The following AFF3 variants were observed in gnomAD, a reference collection of about 807,000 sequenced individuals.
The protein encoded by AFF3 is AF4/FMR2 family member 3.
In AFF3, 32 loss-of-function variants were observed where a neutral mutation model predicts 129.7. The ratio of observed to expected loss-of-function variants is 0.25; its 90% confidence interval spans 0.19 to 0.33. The LOEUF (loss-of-function observed/expected upper bound fraction) is 0.33. Among genes scored for constraint, AFF3 ranks in the 10% least tolerant of loss-of-function variants. The pLI is 1.00. For synonymous variants in AFF3, 644 were observed against 635.4 expected, an observed-to-expected ratio of 1.01 and a Z score of -0.20; for missense variants, 1,373 against 1,592.0, an observed-to-expected ratio of 0.86 and a Z score of 2.34.
intron 8 of AFF3, among the ~76,000 whole-genome samples, chr2:99,817,053 T>C (rs538239829): frequency 1.3e-5 from 2 of 152,218 alleles, no homozygotes; most frequent in African/African-American, 4.8e-5. Context: ...AGGCTGCAGT[T>C]CTGTATCCTT....
rs757538445 is a variant in AFF3, at chr2:99,601,499, G to A, written c.1307C>T (p.Ser436Leu). 14 of 1,608,326 alleles carry A rather than the reference G, an allele frequency of 8.7e-6. No individual in the cohort carries two copies. Among genetic ancestry groups the A allele is most frequent in the East Asian group, 2.2e-5 (1 of 44,712 alleles). ...CTCGCTGGAGCTGCTCTCGGTCTCC[G>A]AGTCAGATCCGGAGCTGCTCTCTGA... Reference protein sequence around the residue: ...SDSESSSGSDSETESSSSESE... With the variant: ...SDSESSSGSDLETESSSSESE... The change falls in exon 14 of 25, where the codon TCG (serine) becomes TTG (leucine). Residue 436 changes from serine to leucine, a missense_variant. Ser to Leu is a moderately radical substitution (Grantham distance 145). This residue lies in a region of AFF3 where 413 missense variants were observed against 424.4 expected (regional missense o/e 0.97). Coordinates refer to ENST00000672756, the MANE Select transcript of AFF3 (RefSeq NM_001386135.1).
intron 12 of AFF3, among the ~76,000 whole-genome samples, chr2:99,651,099 G>C (rs1685206831): frequency 6.6e-6 from 1 of 151,580 alleles, no homozygotes; most frequent in African/African-American, 2.4e-5. Context: ...CTTGAACTTG[G>C]GGGGCGGAGG....
intron 12 of AFF3, among the ~76,000 whole-genome samples, chr2:99,672,176 TCTCACACACACACACACA>T (rs1479375427): frequency 0.054 from 1,995 of 37,270 alleles, 64 homozygotes; most frequent in African/African-American, 0.18. Flanking sequence ...CCAGTTAGCT[TCTCACACACACACACACA>T]CACACACACA....
chr2:100,032,204 G>T (rs1295975849), intron 4 of AFF3, among the ~76,000 whole-genome samples: 1 of 152,100 alleles, frequency 6.6e-6, no homozygotes, highest in African/African-American at 2.4e-5. Context: ...AAGGCAGGTG[G>T]ATTACGAGGT....
At chr2:99,666,729 T>C (rs1172990462) in intron 12 of AFF3, among the ~76,000 whole-genome samples, 1 of 152,162 alleles carries the variant, frequency 6.6e-6, no homozygotes, top group Non-Finnish European at 1.5e-5. Flanking sequence ...TATGAAAGCA[T>C]TAATCAAAAT....
intron 4 of AFF3, among the ~76,000 whole-genome samples, chr2:100,053,787 T>A (rs554753867): frequency 6.6e-6 from 1 of 152,332 alleles, no homozygotes; most frequent in African/African-American, 2.4e-5. Context: ...TCCCTCTTCC[T>A]CATCCTCTTG....
At chr2:100,033,142 A>T (rs1684644618) in intron 4 of AFF3, among the ~76,000 whole-genome samples, 4 of 152,142 alleles carry the variant, frequency 2.6e-5, no homozygotes, top group African/African-American at 9.7e-5. Context: ...CTTCCTTGCC[A>T]AATCTGGAAG....
Position 99,568,855 on chromosome 2 carries a change from T to A in AFF3, c.2979A>T (p.Ala993=). The A allele has an allele frequency of 6.2e-7, 1 of 1,614,106 alleles. No individual in the cohort carries two copies. Among genetic ancestry groups the A allele is most frequent in the Non-Finnish European group, 8.5e-7 (1 of 1,179,954 alleles). ...TCTGGAAAGAAAAGGGTCTCACCAT[T>A]GCATCTGCTTTATGCTTCATTCGTT... ...EAKRMKHKAD[A]MVEKFGKALN... The change falls in exon 19 of 25, where the codon GCA becomes GCT. Residue 993 remains alanine, a synonymous_variant. Transcript: ENST00000672756.
In AFF3 at chr2:99,594,125, G is replaced by C. The variant is rs754497303; in HGVS notation, c.1536C>G (p.Asp512Glu). 15 of 1,613,930 alleles carry C rather than the reference G, an allele frequency of 9.3e-6. No homozygotes were observed. The highest frequency in any genetic ancestry group is 1.3e-5 in the Non-Finnish European group (15 of 1,179,978). The change falls in exon 15 of 25, where the codon GAC becomes GAG. Residue 512 changes from aspartate (D) to glutamate (E), a missense_variant. Around this residue, in one of 9 missense-constraint regions of AFF3, gnomAD observed 413 missense variants for 424.4 expected, o/e 0.97. Coordinates refer to ENST00000672756, the MANE Select transcript of AFF3 (RefSeq NM_001386135.1). ...EDVQDCGKVP[D>E]VCQPSLREKE... ...TCTCTCTCAGGCTGGGCTGGCAAACGTCGGGGACTTTCCCACAGTCCTGGA... is the reference window on the plus strand; with the variant it reads ...TCTCTCTCAGGCTGGGCTGGCAAACCTCGGGGACTTTCCCACAGTCCTGGA...
At chr2:99,554,233 A>G in intron 24 of AFF3, 78 bp downstream of exon 24, 1 of 1,474,808 alleles carries the variant, frequency 6.8e-7, no homozygotes, top group Middle Eastern at 1.7e-4. Flanking sequence ...TATCCCAGCT[A>G]CTCAGGAGGC....
rs546529851 is a variant in AFF3 at position 99,914,848 on chromosome 2, A to G, written c.874-77324T>C. 3.3e-5 allele frequency among the ~76,000 whole-genome samples: 5 copies of G among 152,274 alleles called. No individual in the cohort carries two copies. In the East Asian group the frequency reaches 9.6e-4, roughly 29 times the overall value. Reference sequence around the variant, plus strand: ...GGCAGGAGAATCGCTTGAACCCAGGAGCTGAGATTGCACCACTGCACTCCA... The same window carrying G: ...GGCAGGAGAATCGCTTGAACCCAGGGGCTGAGATTGCACCACTGCACTCCA... On this transcript the variant is annotated intron_variant, in intron 7 of 24. Coordinates refer to ENST00000672756, the MANE Select transcript of AFF3 (RefSeq NM_001386135.1).
intron 4 of AFF3, among the ~76,000 whole-genome samples, chr2:100,046,696 T>C (rs961263875): frequency 2.6e-5 from 4 of 152,222 alleles, no homozygotes; most frequent in African/African-American, 9.6e-5. Flanking sequence ...TTAGTTTTAA[T>C]TACCATGACT....
intron 4 of AFF3, among the ~76,000 whole-genome samples, chr2:100,039,345 G>A (rs1685234769): frequency 6.6e-6 from 1 of 152,126 alleles, no homozygotes; most frequent in African/African-American, 2.4e-5. Context: ...GATTGCTTGA[G>A]CCTAGGTGGT....
chr2:99,850,411 G>A (rs1446427547), intron 7 of AFF3, among the ~76,000 whole-genome samples: 10 of 152,188 alleles, frequency 6.6e-5, no homozygotes, highest in Admixed American at 6.5e-4. Flanking sequence ...CACACTGGAT[G>A]CCTCGTGTTT....
At chr2:100,061,953 G>A (rs915857268) in intron 4 of AFF3, among the ~76,000 whole-genome samples, 1 of 151,996 alleles carries the variant, frequency 6.6e-6, no homozygotes, top group Admixed American at 6.6e-5. Context: ...TTGGAGGCCT[G>A]CTGGACTGGC....
At chr2:100,134,865 A>C (rs1366601555) in intron 1 of AFF3, among the ~76,000 whole-genome samples, 1 of 152,260 alleles carries the variant, frequency 6.6e-6, no homozygotes, top group Non-Finnish European at 1.5e-5. Flanking sequence ...GAAACAGCAG[A>C]TAATGGCAAC....
chr2:99,898,379 G>A (rs999435943), intron 7 of AFF3, among the ~76,000 whole-genome samples: 7 of 152,194 alleles, frequency 4.6e-5, no homozygotes, highest in Admixed American at 1.3e-4. Flanking sequence ...GGCACCGAGA[G>A]AGAGTGGGTA....
At chr2:99,870,301 C>T (rs1691776174) in intron 7 of AFF3, among the ~76,000 whole-genome samples, 1 of 152,222 alleles carries the variant, frequency 6.6e-6, no homozygotes, top group South Asian at 2.1e-4. Flanking sequence ...CTGTAGTTGG[C>T]TATCTGGACA....
chr2:99,648,917 A>ACACACACACACACC, intron 13 of AFF3, among the ~76,000 whole-genome samples: 1 of 46,872 alleles, frequency 2.1e-5, no homozygotes, highest in Admixed American at 2.6e-4. Flanking sequence ...ACACACACAC[A>ACACACACACACACC]CTCTCTCTCT....
Sources: allele counts gnomAD v4.1 joint callset (sites outside exome capture counted in the v4.1 genomes callset), GRCh38; gene constraint gnomAD v4.1.1; regional missense constraint gnomAD v4.1.1; transcripts MANE v1.5; gene names NCBI Gene and HGNC (gene_info 2026-07-23, HGNC 2026-07-21).